The following GUCY2D variants were observed in gnomAD, a reference collection of about 807,000 sequenced individuals.
The protein encoded by GUCY2D is retinal guanylyl cyclase 1.
Under a neutral mutation model 101.3 loss-of-function variants are expected in GUCY2D, and 70 were observed. The ratio of observed to expected loss-of-function variants is 0.69; its 90% CI spans 0.57 to 0.84. The LOEUF is 0.84. GUCY2D is among the 40% of genes least tolerant of loss of function. The probability of loss-of-function intolerance (pLI) is 0.00; values close to 1 mark genes in which losing one functional copy is unlikely to be tolerated. For missense variants in GUCY2D, 1,460 were observed against 1,542.5 expected, an observed-to-expected ratio of 0.95 and a Z score of 0.90; for synonymous variants, 688 against 670.7, an observed-to-expected ratio of 1.03 and a Z score of -0.40.
rs546417010 is a variant in GUCY2D at position 8,003,656 on chromosome 17, G to A, written c.609G>A (p.Thr203=). 6 of 1,595,264 alleles carry A rather than the reference G, an allele frequency of 3.8e-6. No individual in the cohort carries two copies. The highest frequency in any genetic ancestry group is 3.3e-5 in the Admixed American group (2 of 59,750). Residue 203 remains threonine (T), a synonymous_variant, in exon 2 of 20, where the codon ACG becomes ACA. Coordinates refer to ENST00000254854, the MANE Select transcript of GUCY2D (RefSeq NM_000180.4). ...TGGAGGCGGGACGCTCACTGTCCACGGCACTCAGGGCCCGGGGCCTGCCTG... is the reference window on the plus strand; with the variant it reads ...TGGAGGCGGGACGCTCACTGTCCACAGCACTCAGGGCCCGGGGCCTGCCTG... ...LWVEAGRSLS[T]ALRARGLPVA...
intron 19 of GUCY2D, among the ~76,000 whole-genome samples, chr17:8,019,441 G>A (rs1392017454): frequency 1.3e-5 from 2 of 152,152 alleles, no homozygotes; most frequent in African/African-American, 4.8e-5. Context: ...AGTGGGCAGG[G>A]CTGAGCCAGT....
In GUCY2D at chr17:8,018,399, T is replaced by C. The variant is rs186268358; in HGVS notation, c.*25-1729T>C. 1.4e-3 allele frequency among the ~76,000 whole-genome samples: 210 copies of C among 152,264 alleles called. 1 individual carries two copies. The highest frequency in any genetic ancestry group is 4.2e-4 in the South Asian group (2 of 4,816). The stretch of plus-strand genomic sequence containing the variant: ...CATTTTAACAAGTTCCTACAAAATA[T>C]TGACACGCTCATTAAAGTTTCTGAA... On this transcript the variant is annotated intron_variant, in intron 19 of 19. Transcript: ENST00000254854.
rs1370721862 is a variant in GUCY2D at position 8,003,643 on chromosome 17, G to A, written c.596G>A (p.Arg199His). Residue 199 changes from arginine (R) to histidine (H), a missense_variant, in exon 2 of 20, where the codon CGC becomes CAC. Arg to His is a conservative substitution (Grantham distance 29, BLOSUM62 0). This residue lies in a region of GUCY2D where 1,196 missense variants were observed against 1,229.6 expected (regional missense o/e 0.97). Coordinates refer to ENST00000254854, the MANE Select transcript of GUCY2D (RefSeq NM_000180.4). ...CAGGACCTGTGGGTGGAGGCGGGACGCTCACTGTCCACGGCACTCAGGGCC... is the reference window on the plus strand; with the variant it reads ...CAGGACCTGTGGGTGGAGGCGGGACACTCACTGTCCACGGCACTCAGGGCC... ...APQDLWVEAG[R>H]SLSTALRARG... 9.4e-6 allele frequency: 15 copies of A among 1,593,848 alleles called. No homozygotes were observed. Among genetic ancestry groups the A allele is most frequent in the Non-Finnish European group, 1.1e-5 (13 of 1,177,220 alleles).
Position 8,004,140 on chromosome 17 carries a change from ACCTCAATCT to A in GUCY2D, c.1011_1019del (p.Asp337_Leu340delinsGlu). ...CAAGAGCGCCGCGAGCTGCCCTCTG[ACCTCAATCT>A]GCAGCAGGTAGACGGTCCCGGGAGG... is the stretch of plus-strand genomic sequence containing the variant. On this transcript the variant is annotated inframe_deletion, in exon 3 of 20. Coordinates refer to ENST00000254854, the MANE Select transcript of GUCY2D (RefSeq NM_000180.4). The A allele has an allele frequency of 6.3e-7, 1 of 1,593,138 alleles. No individual in the cohort carries two copies. Among genetic ancestry groups the A allele is most frequent in the South Asian group, 1.1e-5 (1 of 90,762 alleles).
intron 10 of GUCY2D, 106 bp from the exon 11 acceptor site, chr17:8,012,997 C>A (rs1975885778): frequency 9.9e-7 from 1 of 1,012,246 alleles, no homozygotes; most frequent in Non-Finnish European, 1.5e-6. Flanking sequence ...GGGTCTCAGA[C>A]CGGTCTCAGG....
chr17:8,002,854 G>A lies in GUCY2D; in HGVS notation c.-10+120G>A. 3 of 542,612 alleles carry A rather than the reference G, an allele frequency of 5.5e-6. No homozygotes were observed. Among genetic ancestry groups the A allele is most frequent in the Non-Finnish European group, 9.6e-6 (3 of 312,980 alleles). The allele number at this position is 542,612 out of a possible 1,614,324, so 33.6% of individuals were successfully genotyped here. On this transcript the variant is annotated intron_variant, in intron 1 of 19. Coordinates refer to ENST00000254854, the MANE Select transcript of GUCY2D (RefSeq NM_000180.4). The surrounding 1 kb of genome is among the most constrained non-coding windows in gnomAD (Gnocchi z 4.9). ...AGGCCGGGTGGGAGCGGGAAGCCGG[G>A]GCGGCAGAAGGGGGCTTCGGGGCGG...
At position 8,013,647 on chromosome 17, in the gene GUCY2D, C is replaced by A; in HGVS notation, c.2264-233C>A. The A allele has an allele frequency of 1.7e-6, 1 of 596,086 alleles. No individual in the cohort carries two copies. The highest frequency in any genetic ancestry group is 3.0e-5 in the Admixed American group (1 of 33,832). 36.9% of individuals were successfully genotyped at this position (596,086 alleles called of 1,614,324 possible). A position where few individuals can be genotyped will look rare whatever the true frequency, so the allele number is the denominator to read the frequency against. On this transcript the variant is annotated intron_variant, in intron 11 of 19. Coordinates refer to ENST00000254854, the MANE Select transcript of GUCY2D (RefSeq NM_000180.4). This position sits in a 1 kb window ranked among gnomAD's most constrained non-coding sequence, Gnocchi z 5.0. Reference sequence around the variant, plus strand: ...TGTCTTACATACAATATGTTAGTTTCTTTGCCTATGTCACCTCTTACTGAC... The same window carrying A: ...TGTCTTACATACAATATGTTAGTTTATTTGCCTATGTCACCTCTTACTGAC...
In GUCY2D at chr17:8,003,871, C is replaced by T. The variant is rs3829789; in HGVS notation, c.741C>T (p.His247=). Residue 247 remains histidine, a synonymous_variant, in exon 3 of 20, where the codon CAC becomes CAT. Transcript: ENST00000254854. ...PRVTAVIMVM[H]SVLLGGEEQR... ...CCGCAGCAGTGATCATGGTGATGCA[C>T]TCGGTGCTGCTGGGTGGCGAGGAGC... 0.13 allele frequency: 204,222 copies of T among 1,612,768 alleles called. 13,568 individuals carry two copies. The highest frequency in any genetic ancestry group is 0.2 in the East Asian group (8,850 of 44,854).
rs139763939 is a variant in GUCY2D, at chr17:8,017,161, C to G, written c.*24+607C>G. ...TTACAAGAGCTGGTTGCAAAACCAG[C>G]CATGTGACCTTGGGAAAGTGTCACG... On this transcript the variant is annotated intron_variant, in intron 19 of 19. Coordinates refer to ENST00000254854, the MANE Select transcript of GUCY2D (RefSeq NM_000180.4). Among the ~76,000 whole-genome samples, 26 of 152,306 alleles carry G rather than the reference C, an allele frequency of 1.7e-4. 1 individual carries two copies. In the East Asian group the frequency reaches 5.0e-3, roughly 29 times the overall value.
chr17:8,012,417 G>T (rs763799379), intron 9 of GUCY2D, 33 bp from the exon 10 acceptor site: 4 of 1,613,178 alleles, frequency 2.5e-6, no homozygotes, highest in Non-Finnish European at 8.5e-7. Flanking sequence ...AACCAAGCAG[G>T]CTGAGGCTGC....
chr17:8,009,546 A>G lies in GUCY2D; in HGVS notation c.1709A>G (p.His570Arg). ...VWLKKFPGDQ[H>R]IAIRPATKTA... ...CTGAAGAAATTCCCAGGGGATCAGCACATAGCTATCCGCCCAGCAACCAAG... is the reference window on the plus strand; with the variant it reads ...CTGAAGAAATTCCCAGGGGATCAGCGCATAGCTATCCGCCCAGCAACCAAG... The change falls in exon 8 of 20, where the codon CAC becomes CGC. Residue 570 changes from histidine (H) to arginine (R), a missense_variant. By Grantham distance (29) the His-to-Arg change is conservative. Transcript: ENST00000254854. 2.5e-6 allele frequency: 4 copies of G among 1,613,954 alleles called. No homozygotes were observed. Among genetic ancestry groups the G allele is most frequent in the Non-Finnish European group, 3.4e-6 (4 of 1,179,812 alleles).
At position 8,003,024 on chromosome 17, in the gene GUCY2D, C is replaced by T; in HGVS notation, c.-9-15C>T. On this transcript the variant is annotated splice_polypyrimidine_tract_variant and intron_variant, in intron 1 of 19. Transcript: ENST00000254854. Reference sequence around the variant, plus strand: ...GGGGTCTCAGTCGCTCAGCCTGCTCCGTCTGTGTTCGCAGAAGCCGGCAAT... The same window carrying T: ...GGGGTCTCAGTCGCTCAGCCTGCTCTGTCTGTGTTCGCAGAAGCCGGCAAT... 1 of 1,522,842 alleles carries T rather than the reference C, an allele frequency of 6.6e-7. No individual in the cohort carries two copies. Among genetic ancestry groups the T allele is most frequent in the Non-Finnish European group, 8.8e-7 (1 of 1,140,936 alleles). The allele number at this position is 1,522,842 out of a possible 1,614,324, so 94.3% of individuals were successfully genotyped here.
intron 3 of GUCY2D, among the ~76,000 whole-genome samples, chr17:8,005,425 A>C (rs1321338300): frequency 6.6e-6 from 1 of 152,156 alleles, no homozygotes; most frequent in African/African-American, 2.4e-5. Flanking sequence ...CACATGGCTT[A>C]CCAGGTCACC....
At position 8,002,787 on chromosome 17, in the gene GUCY2D, G is replaced by C. The variant is rs1975649574; in HGVS notation, c.-10+53G>C. On this transcript the variant is annotated intron_variant, in intron 1 of 19. Transcript: ENST00000254854. The surrounding 1 kb of genome is among the most constrained non-coding windows in gnomAD (Gnocchi z 4.9). The stretch of plus-strand genomic sequence containing the variant: ...ATAGGGTCGGTCTGAGGGCGCAGGC[G>C]AGTCCCTGCTGACCCCTGACGCCTC... The C allele has an allele frequency of 4.1e-6, 2 of 487,068 alleles. No individual in the cohort carries two copies. The highest frequency in any genetic ancestry group is 7.2e-6 in the Non-Finnish European group (2 of 276,836). 30.2% of individuals were successfully genotyped at this position (487,068 alleles called of 1,614,324 possible).
chr17:8,007,207 A>T, intron 5 of GUCY2D, 63 bp downstream of exon 5: 7 of 1,286,336 alleles, frequency 5.4e-6, no homozygotes, highest in Non-Finnish European at 7.9e-6. Context: ...TCTGCAGCAA[A>T]AACAGCAGGC....
intron 3 of GUCY2D, among the ~76,000 whole-genome samples, chr17:8,005,705 A>C (rs1450559255): frequency 1.3e-5 from 2 of 152,140 alleles, no homozygotes; most frequent in African/African-American, 4.8e-5. Context: ...GCACTGCCTG[A>C]ACACCCCTGT....
In GUCY2D at chr17:8,014,555, G is replaced by A. The variant is rs199966203; in HGVS notation, c.2413-46G>A. 3 of 1,601,704 alleles carry A rather than the reference G, an allele frequency of 1.9e-6. No individual in the cohort carries two copies. Among genetic ancestry groups the A allele is most frequent in the Middle Eastern group, 1.7e-4 (1 of 5,900 alleles). Reference sequence around the variant, plus strand: ...ATGAGGGGGGCATAAAGAGGGCATGGCAACCCAGGTCTTCAGCAGCTTTAC... The same window carrying A: ...ATGAGGGGGGCATAAAGAGGGCATGACAACCCAGGTCTTCAGCAGCTTTAC... On this transcript the variant is annotated intron_variant, in intron 12 of 19. Transcript: ENST00000254854. The surrounding 1 kb of genome is among the most constrained non-coding windows in gnomAD (Gnocchi z 4.0).
At chr17:8,012,983 T>G in intron 10 of GUCY2D, 120 bp from the exon 11 acceptor site, 1 of 828,910 alleles carries the variant, frequency 1.2e-6, no homozygotes, top group Non-Finnish European at 1.9e-6. Flanking sequence ...GGTCTCAGGT[T>G]GCAGGGTCTC....
In GUCY2D at chr17:8,014,807, G is replaced by C; in HGVS notation, c.2576+43G>C. The stretch of plus-strand genomic sequence containing the variant: ...GGGGTGGGCTGGGAGGGCAGCTGGA[G>C]CCCAGCCAGGTAGAGTGGCCCCCAG... On this transcript the variant is annotated intron_variant, in intron 13 of 19. Transcript: ENST00000254854. This position sits in a 1 kb window ranked among gnomAD's most constrained non-coding sequence, Gnocchi z 4.0. 2 of 1,607,980 alleles carry C rather than the reference G, an allele frequency of 1.2e-6. No individual in the cohort carries two copies. The highest frequency in any genetic ancestry group is 1.7e-5 in the Admixed American group (1 of 60,008).
Sources: allele counts gnomAD v4.1 joint callset (sites outside exome capture counted in the v4.1 genomes callset), GRCh38; gene constraint gnomAD v4.1.1; regional missense constraint gnomAD v4.1.1; non-coding constraint Gnocchi (gnomAD v3.1); transcripts MANE v1.5; gene names NCBI Gene and HGNC (gene_info 2026-07-23, HGNC 2026-07-21).